The following DTNBP1 variants were observed in gnomAD, a reference collection of about 807,000 sequenced individuals.
The protein encoded by DTNBP1 is dysbindin.
DTNBP1 carries 35 observed loss-of-function variants against 42.8 expected under a neutral mutation model. The observed-to-expected ratio is 0.82, with a 90% confidence interval of 0.63 to 1.09. The LOEUF (loss-of-function observed/expected upper bound fraction) is 1.09, where lower values mean the gene tolerates loss of function less well. DTNBP1 is among the 50% of genes least tolerant of loss of function. DTNBP1 has a pLI of 0.00. For missense variants in DTNBP1, 457 were observed against 424.2 expected (o/e 1.08, Z -0.68); for synonymous variants, 171 against 162.2 (o/e 1.05, Z -0.41).
At chr6:15,608,080 C>T (rs182458659) in intron 6 of DTNBP1, among the ~76,000 whole-genome samples, 1 of 152,236 alleles carries the variant, frequency 6.6e-6, no homozygotes, top group Non-Finnish European at 1.5e-5. Flanking sequence ...TTTTACACCT[C>T]TAATTCCCCT....
chr6:15,646,150 T>C (rs1325767480), intron 3 of DTNBP1, among the ~76,000 whole-genome samples: 3 of 151,182 alleles, frequency 2.0e-5, no homozygotes, highest in African/African-American at 4.9e-5. Context: ...TTTGAGAAAC[T>C]AAAAAATAAA....
At chr6:15,621,763 C>G (rs893235326) in intron 5 of DTNBP1, among the ~76,000 whole-genome samples, 4 of 152,206 alleles carry the variant, frequency 2.6e-5, no homozygotes, top group Admixed American at 2.0e-4. Flanking sequence ...CTTTCCTTCA[C>G]ATATTCTACA....
chr6:15,611,900 T>C (rs1274941277), intron 6 of DTNBP1, among the ~76,000 whole-genome samples: 1 of 152,198 alleles, frequency 6.6e-6, no homozygotes, highest in Admixed American at 6.5e-5. Flanking sequence ...CTGGTGAAGA[T>C]GCTGTGAACA....
chr6:15,630,645 C>T lies in DTNBP1; in HGVS notation c.223-3170G>A, dbSNP rs371749327. ...AGAAAAAGCCTAGACAGGCTGGGTG[C>T]GGTGGCTCACGCCTGTAATCCCAGC... On this transcript the variant is annotated intron_variant, in intron 4 of 9. Transcript: ENST00000344537. 7.9e-5 allele frequency among the ~76,000 whole-genome samples: 12 copies of T among 152,222 alleles called. No individual in the cohort carries two copies. The South Asian group carries it at 2.1e-3, about 26-fold the overall frequency.
At chr6:15,591,262 A>G (rs1239628558) in intron 7 of DTNBP1, among the ~76,000 whole-genome samples, 1 of 151,930 alleles carries the variant, frequency 6.6e-6, no homozygotes, top group Non-Finnish European at 1.5e-5. Flanking sequence ...ACCACGCCTG[A>G]CTAGTTTTTG....
chr6:15,567,871 A>G (rs1412638134), intron 7 of DTNBP1, among the ~76,000 whole-genome samples: 1 of 152,204 alleles, frequency 6.6e-6, no homozygotes, highest in Non-Finnish European at 1.5e-5. Context: ...ACCACTTACT[A>G]GCTGGGTAAT....
chr6:15,546,926 C>CTTTT (rs10711026), intron 7 of DTNBP1, among the ~76,000 whole-genome samples: 15 of 116,112 alleles, frequency 1.3e-4, no homozygotes, highest in Non-Finnish European at 2.0e-4. Context: ...TTCTTTCTTT[C>CTTTT]TTTTTTTTTT....
chr6:15,553,551 T>C (rs901799059), intron 7 of DTNBP1, among the ~76,000 whole-genome samples: 56 of 135,102 alleles, frequency 4.1e-4, no homozygotes, highest in African/African-American at 1.5e-3. Flanking sequence ...AACTTCATTC[T>C]ATTCTTCATG....
chr6:15,633,800 AAAAC>A (rs1000144550), intron 4 of DTNBP1, among the ~76,000 whole-genome samples: 63 of 152,358 alleles, frequency 4.1e-4, no homozygotes, highest in Middle Eastern at 3.4e-3. Context: ...ACATTAAAAA[AAAAC>A]AAACAAAACT....
chr6:15,541,767 G>A (rs193092950), intron 7 of DTNBP1, among the ~76,000 whole-genome samples: 162 of 152,094 alleles, frequency 1.1e-3, no homozygotes, highest in African/African-American at 3.6e-3. Flanking sequence ...TCAATTATAC[G>A]TTTTAATGGG....
intron 5 of DTNBP1, among the ~76,000 whole-genome samples, chr6:15,620,569 AAT>A (rs1382587217): frequency 3.3e-5 from 5 of 152,244 alleles, no homozygotes; most frequent in Non-Finnish European, 7.3e-5. Context: ...CTAAAGAAGC[AAT>A]ATTCAGCTCA....
At chr6:15,607,009 A>ATTT (rs1561987566) in intron 6 of DTNBP1, among the ~76,000 whole-genome samples, 28 of 137,090 alleles carry the variant, frequency 2.0e-4, no homozygotes, top group Admixed American at 8.1e-4. Context: ...GTCAAAAAAA[A>ATTT]ATTTTTTTTT....
intron 1 of DTNBP1, among the ~76,000 whole-genome samples, chr6:15,656,481 T>C (rs764082511): frequency 6.6e-5 from 10 of 152,130 alleles, no homozygotes; most frequent in Non-Finnish European, 1.3e-4. Flanking sequence ...AATACTAAAA[T>C]GGGGGCTTCT....
At chr6:15,656,567 T>A (rs750307523) in intron 1 of DTNBP1, among the ~76,000 whole-genome samples, 1 of 152,028 alleles carries the variant, frequency 6.6e-6, no homozygotes, top group Non-Finnish European at 1.5e-5. Context: ...CTGGGCAACA[T>A]GGCGAAACCC....
chr6:15,662,987 G>GCCCCGC lies in DTNBP1; in HGVS notation c.-124_-119dup. ...CGCGCGCCCCGCACTCCCACTACCG[G>GCCCCGC]CCCCGCCCCCGGTCTGGTCCTCGCC... On this transcript the variant is annotated 5_prime_UTR_variant, in exon 1 of 10. Transcript: ENST00000344537. 4.2e-6 allele frequency: 6 copies of GCCCCGC among 1,422,412 alleles called. No homozygotes were observed. In the South Asian group the frequency reaches 7.0e-5, roughly 17 times the overall value. 88.1% of individuals were successfully genotyped at this position (1,422,412 alleles called of 1,614,324 possible). A position where few individuals can be genotyped will look rare whatever the true frequency, so the allele number is the denominator to read the frequency against.
intron 7 of DTNBP1, among the ~76,000 whole-genome samples, chr6:15,553,585 A>G (rs1774336933): frequency 4.8e-5 from 1 of 20,650 alleles, no homozygotes; most frequent in African/African-American, 2.2e-4. Context: ...AATGCTCTTG[A>G]CAAGTGAGCT....
At chr6:15,662,743 G>T in intron 1 of DTNBP1, 71 bp downstream of exon 1, 1 of 1,593,678 alleles carries the variant, frequency 6.3e-7, no homozygotes, top group Non-Finnish European at 8.6e-7. Context: ...GGGGAAGGGA[G>T]CGAGGCAGGG....
intron 1 of DTNBP1, among the ~76,000 whole-genome samples, chr6:15,655,913 C>T (rs969980412): frequency 6.6e-6 from 1 of 152,170 alleles, no homozygotes. Flanking sequence ...CTGGAAACAA[C>T]CCACTTATAA....
intron 6 of DTNBP1, among the ~76,000 whole-genome samples, chr6:15,599,521 G>A (rs1223583220): frequency 6.6e-6 from 1 of 152,182 alleles, no homozygotes; most frequent in Non-Finnish European, 1.5e-5. Flanking sequence ...TAAATCTACA[G>A]AATTCCAGAG....
Sources: gnomAD v4.1 joint callset for allele counts (sites outside exome capture counted in the v4.1 genomes callset) on GRCh38, gnomAD v4.1.1 for gene constraint, MANE v1.5 for transcripts, NCBI Gene and HGNC (gene_info 2026-07-23, HGNC 2026-07-21) for gene names.